The following IL15RA variants were observed in gnomAD, a reference collection of about 807,000 sequenced individuals.
The protein encoded by IL15RA is interleukin 15 receptor subunit alpha.
In IL15RA, 26 loss-of-function variants were observed where a neutral mutation model predicts 24.2. That is an observed-to-expected ratio of 1.07 (90% confidence interval 0.79 to 1.49). The LOEUF is 1.49. Ranked by LOEUF, IL15RA falls within the 40% of genes most tolerant of loss-of-function variation. The pLI, the probability that IL15RA is intolerant of heterozygous loss-of-function variation, is 0.00. For missense variants in IL15RA, 354 were observed against 356.4 expected, an observed-to-expected ratio of 0.99 and a Z score of 0.05; for synonymous variants, 166 against 157.6, an observed-to-expected ratio of 1.05 and a Z score of -0.40.
At position 5,963,693 on chromosome 10, in the gene IL15RA, T is replaced by C. The variant is rs761845448; in HGVS notation, c.382+50A>G. 3.3e-6 allele frequency: 4 copies of C among 1,230,586 alleles called. No homozygotes were observed. The highest frequency in any genetic ancestry group is 4.4e-6 in the Non-Finnish European group (4 of 901,728). The allele number at this position is 1,230,586 out of a possible 1,614,324, so 76.2% of individuals were successfully genotyped here. Reference sequence around the variant, plus strand: ...TCTGCAGGATTGGTGAGCGGGCCTCTGGGTGTTGGGAGGGAATGAATGTCC... The same window carrying C: ...TCTGCAGGATTGGTGAGCGGGCCTCCGGGTGTTGGGAGGGAATGAATGTCC... On this transcript the variant is annotated intron_variant, in intron 3 of 6. Transcript: ENST00000379977. This position sits in a 1 kb window ranked among gnomAD's most constrained non-coding sequence, Gnocchi z 5.3.
intron 1 of IL15RA, among the ~76,000 whole-genome samples, chr10:5,974,637 G>A (rs1201685913): frequency 6.6e-6 from 1 of 152,090 alleles, no homozygotes; most frequent in Non-Finnish European, 1.5e-5. Flanking sequence ...AGCACTTTGG[G>A]AGGCCAAAGC....
downstream of IL15RA, among the ~76,000 whole-genome samples, chr10:5,951,276 T>C (rs777331819): frequency 2.6e-5 from 4 of 151,824 alleles, no homozygotes; most frequent in East Asian, 3.9e-4. Context: ...TGAGCCAAGA[T>C]TGCATCACTG....
At chr10:5,951,123 C>T (rs376752996), downstream of IL15RA, among the ~76,000 whole-genome samples, 162 of 108,624 alleles carry the variant, frequency 1.5e-3, no homozygotes, top group Middle Eastern at 0.012. Context: ...GCCTGGGCGA[C>T]AGAGCAAGAC....
chr10:5,959,715 C>A lies in IL15RA; in HGVS notation c.616+39G>T. 6.2e-7 allele frequency: 1 copy of A among 1,605,444 alleles called. No homozygotes were observed. The highest frequency in any genetic ancestry group is 8.5e-7 in the Non-Finnish European group (1 of 1,172,928). ...ACCCAGCACCCTGGGACTGCGGTCA[C>A]CCTGATCATAAACATACCGGACAAA... On this transcript the variant is annotated intron_variant, in intron 5 of 6. Transcript: ENST00000379977. This position sits in a 1 kb window ranked among gnomAD's most constrained non-coding sequence, Gnocchi z 4.1.
rs773613062 is a variant in IL15RA at position 5,963,861 on chromosome 10, A to C, written c.284-20T>G. 1 of 1,481,794 alleles carries C rather than the reference A, an allele frequency of 6.7e-7. No homozygotes were observed. The highest frequency in any genetic ancestry group is 1.3e-5 in the South Asian group (1 of 77,226). 91.8% of individuals were successfully genotyped at this position (1,481,794 alleles called of 1,614,324 possible). The stretch of plus-strand genomic sequence containing the variant: ...GGTCTCCTAGAGAGAGGATAACCAC[A>C]TGGCACTTATGATCCTGAGCCTGGA... On this transcript the variant is annotated intron_variant, in intron 2 of 6. Coordinates refer to ENST00000379977, the MANE Select transcript of IL15RA (RefSeq NM_002189.4). The surrounding 1 kb of genome is among the most constrained non-coding windows in gnomAD (Gnocchi z 5.3).
rs1235686364 is a variant in IL15RA, at chr10:5,958,263, T to C, written c.616+1491A>G. 6.7e-6 allele frequency: 3 copies of C among 444,472 alleles called. No homozygotes were observed. The highest frequency in any genetic ancestry group is 4.8e-5 in the South Asian group (3 of 62,932). 27.5% of individuals were successfully genotyped at this position (444,472 alleles called of 1,614,324 possible). On this transcript the variant is annotated intron_variant, in intron 5 of 6. Transcript: ENST00000379977. The surrounding 1 kb of genome is among the most constrained non-coding windows in gnomAD (Gnocchi z 4.3). ...TACAGAAAAGGAGAAAAGAAGCAAC[T>C]GTCCAGCATTCCTTATCCTCTATAT...
In IL15RA at chr10:5,962,293, C is replaced by T. The variant is rs1249079600; in HGVS notation, c.382+1450G>A. ...AAGATGCAGGCCTCAGCCTTGGCCA[C>T]TTAAGAACCACCTGTGGGCTGGGTG... On this transcript the variant is annotated intron_variant, in intron 3 of 6. Coordinates refer to ENST00000379977, the MANE Select transcript of IL15RA (RefSeq NM_002189.4). The surrounding 1 kb of genome is among the most constrained non-coding windows in gnomAD (Gnocchi z 5.2). Among the ~76,000 whole-genome samples, 1 of 152,170 alleles carries T rather than the reference C, an allele frequency of 6.6e-6. No individual in the cohort carries two copies. Among genetic ancestry groups the T allele is most frequent in the Non-Finnish European group, 1.5e-5 (1 of 68,024 alleles).
chr10:5,978,740 A>G (rs1431907035), upstream of IL15RA, among the ~76,000 whole-genome samples: 8 of 152,114 alleles, frequency 5.3e-5, no homozygotes, highest in East Asian at 1.3e-3. This position sits in a 1 kb window ranked among gnomAD's most constrained non-coding sequence, Gnocchi z 5.2. Context: ...TACTAAAAAT[A>G]CCAAAATTAG....
rs1461101136 is a variant in IL15RA at position 5,970,753 on chromosome 10, T to C, written c.89-4414A>G. Reference sequence around the variant, plus strand: ...ATTTCATTATTATTTTATTTTATTTTATTTTATTTTATTTTATTTTATTTT... The same window carrying C: ...ATTTCATTATTATTTTATTTTATTTCATTTTATTTTATTTTATTTTATTTT... On this transcript the variant is annotated intron_variant, in intron 1 of 6. Coordinates refer to ENST00000379977, the MANE Select transcript of IL15RA (RefSeq NM_002189.4). The surrounding 1 kb of genome is among the most constrained non-coding windows in gnomAD (Gnocchi z 4.1). 1.3e-5 allele frequency among the ~76,000 whole-genome samples: 2 copies of C among 149,852 alleles called. No homozygotes were observed. Among genetic ancestry groups the C allele is most frequent in the African/African-American group, 5.0e-5 (2 of 40,162 alleles).
At chr10:5,977,123 G>T (rs1838578353) in intron 1 of IL15RA, 1 of 305,602 alleles carries the variant, frequency 3.3e-6, no homozygotes, top group Admixed American at 5.1e-5. Flanking sequence ...TCTCAGAACT[G>T]CTCCTGACCT....
chr10:5,957,593 C>CTTTTT (rs34002653), intron 5 of IL15RA, among the ~76,000 whole-genome samples: 1 of 131,610 alleles, frequency 7.6e-6, no homozygotes, highest in Non-Finnish European at 1.6e-5. Flanking sequence ...TTTTCTTCTT[C>CTTTTT]TTTTTTTTTT....
Position 5,968,628 on chromosome 10 carries a change from C to T in IL15RA, c.89-2289G>A, listed in dbSNP as rs8177677. 8 of 609,620 alleles carry T rather than the reference C, an allele frequency of 1.3e-5. No individual in the cohort carries two copies. The African/African-American group carries it at 1.5e-4, about 11-fold the overall frequency. 37.8% of individuals were successfully genotyped at this position (609,620 alleles called of 1,614,324 possible). On this transcript the variant is annotated intron_variant, in intron 1 of 6. Transcript: ENST00000379977. This position sits in a 1 kb window ranked among gnomAD's most constrained non-coding sequence, Gnocchi z 5.4. ...CCCACTGGCTTTGAGGCCTCTGGTGCTATCTGGTGCTGGAGTGTCAGAGGC... is the reference window on the plus strand; with the variant it reads ...CCCACTGGCTTTGAGGCCTCTGGTGTTATCTGGTGCTGGAGTGTCAGAGGC...
At chr10:5,977,750 G>A (rs1838691634), upstream of IL15RA, 3 of 852,586 alleles carry the variant, frequency 3.5e-6, no homozygotes, top group African/African-American at 1.8e-5. Flanking sequence ...CGCATGGGCC[G>A]TGCCCGGTGG....
intron 6 of IL15RA, among the ~76,000 whole-genome samples, chr10:5,954,467 T>G (rs75992218): frequency 0.028 from 4,223 of 151,994 alleles, 96 homozygotes; most frequent in African/African-American, 0.066. Context: ...ATTAGATTTT[T>G]TGTGTGTGGG....
rs1179343779 is a variant in IL15RA, at chr10:5,962,817, C to A, written c.382+926G>T. Among the ~76,000 whole-genome samples, 1 of 152,130 alleles carries A rather than the reference C, an allele frequency of 6.6e-6. No homozygotes were observed. Among genetic ancestry groups the A allele is most frequent in the African/African-American group, 2.4e-5 (1 of 41,428 alleles). ...AGGGAAAGCCACAGGCTGGACGATGCAACACTAAAGCCAAGAGTGAACTGT... is the reference window on the plus strand; with the variant it reads ...AGGGAAAGCCACAGGCTGGACGATGAAACACTAAAGCCAAGAGTGAACTGT... On this transcript the variant is annotated intron_variant, in intron 3 of 6. Coordinates refer to ENST00000379977, the MANE Select transcript of IL15RA (RefSeq NM_002189.4). The surrounding 1 kb of genome is among the most constrained non-coding windows in gnomAD (Gnocchi z 5.2).
At position 5,966,320 on chromosome 10, in the gene IL15RA, G is replaced by T; in HGVS notation, c.108C>A (p.Pro36=). The T allele has an allele frequency of 6.2e-7, 1 of 1,608,548 alleles. No individual in the cohort carries two copies. The highest frequency in any genetic ancestry group is 8.5e-7 in the Non-Finnish European group (1 of 1,175,284). ...AGATGTCTGCGTGTTCCACGGACAT[G>T]GGGGGAGGGCACGTGATGCCTGCGA... ...PATRGITCPP[P]MSVEHADIWV... The change falls in exon 2 of 7, where the codon CCC becomes CCA. Residue 36 remains proline (P), a synonymous_variant. Transcript: ENST00000379977. This position sits in a 1 kb window ranked among gnomAD's most constrained non-coding sequence, Gnocchi z 6.4.
In IL15RA at chr10:5,973,107, C is replaced by T. The variant is rs1351163635; in HGVS notation, c.88+4298G>A. ...TGGCCATCGCCCGCAATCTTTCAGA[C>T]TGAAATGCTCTCTAAGAAGTCAGTG... On this transcript the variant is annotated intron_variant, in intron 1 of 6. Transcript: ENST00000379977. This position sits in a 1 kb window ranked among gnomAD's most constrained non-coding sequence, Gnocchi z 4.5. Among the ~76,000 whole-genome samples the T allele has an allele frequency of 6.6e-6, 1 of 152,198 alleles. No homozygotes were observed. Among genetic ancestry groups the T allele is most frequent in the Non-Finnish European group, 1.5e-5 (1 of 68,036 alleles).
rs8177663 is a variant in IL15RA, at chr10:5,971,671, C to T, written c.89-5332G>A. Among the ~76,000 whole-genome samples the T allele has an allele frequency of 7.0e-3, 1,071 of 152,284 alleles. 18 individuals carry two copies. The highest frequency in any genetic ancestry group is 0.024 in the African/African-American group (1,015 of 41,542). On this transcript the variant is annotated intron_variant, in intron 1 of 6. Coordinates refer to ENST00000379977, the MANE Select transcript of IL15RA (RefSeq NM_002189.4). This position sits in a 1 kb window ranked among gnomAD's most constrained non-coding sequence, Gnocchi z 5.5. ...GGATGCTCACTGTGGAGCTGGTGTA[C>T]GGAAAAGGCAAAGGCCTCTGGCCTC...
Position 5,952,682 on chromosome 10 carries a change from C to G in IL15RA, c.*413G>C, listed in dbSNP as rs1477604941. On this transcript the variant is annotated 3_prime_UTR_variant, in exon 7 of 7. Coordinates refer to ENST00000379977, the MANE Select transcript of IL15RA (RefSeq NM_002189.4). ...AGACGTCTCCCACGCCAGGAGAAGC[C>G]TTGTAATTGACAGAGAGCTTTGGGT... 6 of 205,698 alleles carry G rather than the reference C, an allele frequency of 2.9e-5. No individual in the cohort carries two copies. Among genetic ancestry groups the G allele is most frequent in the Non-Finnish European group, 6.0e-5 (6 of 100,772 alleles). 12.7% of individuals were successfully genotyped at this position (205,698 alleles called of 1,614,324 possible).
Sources: gnomAD v4.1 joint callset for allele counts (sites outside exome capture counted in the v4.1 genomes callset) on GRCh38, gnomAD v4.1.1 for gene constraint, Gnocchi (gnomAD v3.1) non-coding constraint, MANE v1.5 for transcripts, NCBI Gene and HGNC (gene_info 2026-07-23, HGNC 2026-07-21) for gene names.